The following MGAT4B variants were observed in gnomAD, a reference collection of about 807,000 sequenced individuals.
MGAT4B encodes N-acetylglucosaminyltransferase IVb.
A neutral mutation model predicts 73.9 loss-of-function variants in MGAT4B; 38 were observed. The observed-to-expected ratio is 0.51, with a 90% CI of 0.40 to 0.67. The LOEUF (loss-of-function observed/expected upper bound fraction) is 0.67, where lower values mean the gene tolerates loss of function less well. Among genes scored for constraint, MGAT4B ranks in the 30% least tolerant of loss-of-function variants. The pLI is 0.00. For missense variants in MGAT4B, 686 were observed against 735.2 expected, an observed-to-expected ratio of 0.93 and a Z score of 0.77; for synonymous variants, 373 against 313.5, an observed-to-expected ratio of 1.19 and a Z score of -2.01.
chr5:179,803,100 CAGG>C lies in MGAT4B; in HGVS notation c.98-1134_98-1132del, dbSNP rs1271991300. ...AGGGCACACCCCTTTCCGAAACGGG[CAGG>C]AGGTCGAAGTGCCAAGTGACCAGGG... On this transcript the variant is annotated intron_variant, in intron 1 of 14. Transcript: ENST00000292591. The C allele has an allele frequency of 3.1e-5, 31 of 985,570 alleles. 2 individuals are homozygous for C. The South Asian group carries it at 8.9e-4, about 28-fold the overall frequency. 61.1% of individuals were successfully genotyped at this position (985,570 alleles called of 1,614,324 possible).
chr5:179,802,339 C>T (rs1581978419), intron 1 of MGAT4B: 2 of 1,344,506 alleles, frequency 1.5e-6, no homozygotes, highest in Admixed American at 3.6e-5. Flanking sequence ...CCCACTCTTG[C>T]TTTTTGCAGC....
chr5:179,802,372 G>A (rs1285098864), intron 1 of MGAT4B: 2 of 1,275,462 alleles, frequency 1.6e-6, no homozygotes, highest in Admixed American at 7.8e-5. Context: ...CAGCGGGTGG[G>A]CTACCCAAGG....
chr5:179,798,430 G>C lies in MGAT4B; in HGVS notation c.1427C>G (p.Pro476Arg). 6.2e-7 allele frequency: 1 copy of C among 1,612,534 alleles called. No individual in the cohort carries two copies. The highest frequency in any genetic ancestry group is 1.1e-5 in the South Asian group (1 of 91,016). Residue 476 changes from proline to arginine, a missense_variant, in exon 13 of 15, where the codon CCT becomes CGT. Around this residue, in one of 2 missense-constraint regions of MGAT4B, gnomAD observed 449 missense variants for 536.8 expected, o/e 0.84. Transcript: ENST00000292591. ...TSVEVLPFDN[P>R]QSDKEALQEG... ...CTGCAGGGCCTCCTTGTCTGACTGA[G>C]GGTTCTGGGGGCAGAATCAAGGGCT...
intron 1 of MGAT4B, chr5:179,802,185 A>G: frequency 1.3e-6 from 2 of 1,494,148 alleles, no homozygotes; most frequent in Non-Finnish European, 1.8e-6. Context: ...GCCCTCTTCC[A>G]GTACTCTCCC....
At chr5:179,800,791 C>G in intron 5 of MGAT4B, 116 bp downstream of exon 5, 1 of 1,234,518 alleles carries the variant, frequency 8.1e-7, no homozygotes. Flanking sequence ...CCACCAGGTC[C>G]CTGCCTCCCC....
chr5:179,800,618 G>A, intron 5 of MGAT4B, 21 bp from the exon 6 acceptor site: 3 of 1,523,874 alleles, frequency 2.0e-6, no homozygotes, highest in Non-Finnish European at 2.7e-6. Context: ...GGAAGGCCTA[G>A]TCCGTATGCA....
chr5:179,805,813 A>G (rs1757124784), intron 1 of MGAT4B, among the ~76,000 whole-genome samples: 1 of 152,134 alleles, frequency 6.6e-6, no homozygotes, highest in Non-Finnish European at 1.5e-5. Flanking sequence ...CATCGCCAAG[A>G]CCGGCCAGCG....
In MGAT4B at chr5:179,800,199, G is replaced by A. The variant is rs1307727547; in HGVS notation, c.780C>T (p.Gly260=). 1 of 1,613,584 alleles carries A rather than the reference G, an allele frequency of 6.2e-7. No homozygotes were observed. The highest frequency in any genetic ancestry group is 2.2e-5 in the East Asian group (1 of 44,896). ...TGGGGCTGACCTGCACGTAGTAGAT[G>A]CCTTTGGACTGCGCGTACATCATGA... is the stretch of plus-strand genomic sequence containing the variant. ...CFLMMYAQSK[G]IYYVQLEDDI... Residue 260 remains glycine, a synonymous_variant, in exon 7 of 15, where the codon GGC becomes GGT. Coordinates refer to ENST00000292591, the MANE Select transcript of MGAT4B (RefSeq NM_014275.5).
chr5:179,798,195 C>G lies in MGAT4B; in HGVS notation c.1593G>C (p.Thr531=). The change falls in exon 14 of 15, where the codon ACG becomes ACC. Residue 531 remains threonine, a synonymous_variant. Transcript: ENST00000292591. ...TCAGAATCACCCACACAGGGGAGTC[C>G]GTCTGGATCGAGAGGCGCAGTGCTT... is the stretch of plus-strand genomic sequence containing the variant. ...PLEALRLSIQ[T]DSPVWVILSE... 1 of 1,597,060 alleles carries G rather than the reference C, an allele frequency of 6.3e-7. No homozygotes were observed.
At chr5:179,799,470 GC>G (rs1244449576) in intron 9 of MGAT4B, 35 bp downstream of exon 9, 1 of 1,612,442 alleles carries the variant, frequency 6.2e-7, no homozygotes, top group Admixed American at 1.7e-5. Context: ...CTGCCCCTTG[GC>G]CCTGCCCCTG....
rs959174910 is a variant in MGAT4B, at chr5:179,797,744, C to T, written c.*301G>A. 253 of 379,832 alleles carry T rather than the reference C, an allele frequency of 6.7e-4. No homozygotes were observed. The highest frequency in any genetic ancestry group is 1.2e-3 in the Admixed American group (28 of 22,420). The allele number at this position is 379,832 out of a possible 1,614,324, so 23.5% of individuals were successfully genotyped here. A position where few individuals can be genotyped will look rare whatever the true frequency, so the allele number is the denominator to read the frequency against. ...TGCATTCCAGTGTTCGCGCCAGAGA[C>T]GGCGGGCGCCCAAGTAAAAGCTCTT... is the stretch of plus-strand genomic sequence containing the variant. On this transcript the variant is annotated 3_prime_UTR_variant, in exon 15 of 15. Coordinates refer to ENST00000292591, the MANE Select transcript of MGAT4B (RefSeq NM_014275.5).
Position 179,806,461 on chromosome 5 carries a change from G to A in MGAT4B, c.97+26C>T. 8.1e-7 allele frequency: 1 copy of A among 1,241,286 alleles called. No individual in the cohort carries two copies. Among genetic ancestry groups the A allele is most frequent in the African/African-American group, 1.6e-5 (1 of 62,990 alleles). 76.9% of individuals were successfully genotyped at this position (1,241,286 alleles called of 1,614,324 possible). On this transcript the variant is annotated intron_variant, in intron 1 of 14. Coordinates refer to ENST00000292591, the MANE Select transcript of MGAT4B (RefSeq NM_014275.5). This position sits in a 1 kb window ranked among gnomAD's most constrained non-coding sequence, Gnocchi z 4.6. ...CCGCCGACGCCCAGGTGCGCCAGGTGCGGGCCGGGCGGGGGTCGCGCTCAC... is the reference window on the plus strand; with the variant it reads ...CCGCCGACGCCCAGGTGCGCCAGGTACGGGCCGGGCGGGGGTCGCGCTCAC...
intron 1 of MGAT4B, among the ~76,000 whole-genome samples, chr5:179,804,713 G>A (rs1295892474): frequency 2.0e-5 from 3 of 152,048 alleles, no homozygotes; most frequent in Non-Finnish European, 2.9e-5. Flanking sequence ...CTGGACCCCC[G>A]CTGGCTGCAA....
At position 179,801,728 on chromosome 5, in the gene MGAT4B, A is replaced by G. The variant is rs1562616617; in HGVS notation, c.284-34T>C. ...GTCGGGAAGGATCGGGACTGAGACC[A>G]GGGAACCTACAACCAGCCCGCCCCC... is the stretch of plus-strand genomic sequence containing the variant. On this transcript the variant is annotated intron_variant, in intron 2 of 14. Coordinates refer to ENST00000292591, the MANE Select transcript of MGAT4B (RefSeq NM_014275.5). This position sits in a 1 kb window ranked among gnomAD's most constrained non-coding sequence, Gnocchi z 4.8. The G allele has an allele frequency of 6.3e-7, 1 of 1,595,738 alleles. No homozygotes were observed. Among genetic ancestry groups the G allele is most frequent in the Admixed American group, 1.7e-5 (1 of 57,804 alleles).
rs139690892 is a variant in MGAT4B at position 179,798,567 on chromosome 5, G to A, written c.1368C>T (p.Ile456=). 2.2e-5 allele frequency: 35 copies of A among 1,613,386 alleles called. No individual in the cohort carries two copies. Among genetic ancestry groups the A allele is most frequent in the Non-Finnish European group, 2.9e-5 (34 of 1,180,012 alleles). ...LERFFFRSGN[I]EHPEDKLFNT... The stretch of plus-strand genomic sequence containing the variant: ...TGAAGAGCTTGTCCTCCGGGTGCTC[G>A]ATGTTCCCACTGCGGAAGAAGAACC... The change falls in exon 12 of 15, where the codon ATC becomes ATT. Residue 456 remains isoleucine (I), a synonymous_variant. Coordinates refer to ENST00000292591, the MANE Select transcript of MGAT4B (RefSeq NM_014275.5).
At position 179,801,675 on chromosome 5, in the gene MGAT4B, C is replaced by T. The variant is rs1219955652; in HGVS notation, c.303G>A (p.Pro101=). 2.5e-6 allele frequency: 4 copies of T among 1,608,400 alleles called. No individual in the cohort carries two copies. Among genetic ancestry groups the T allele is most frequent in the Non-Finnish European group, 3.4e-6 (4 of 1,178,730 alleles). ...GRLTEDPRLK[P]WNGSHRHVLH... ...GCACGTGCCGGTGTGAGCCGTTCCA[C>T]GGCTTCAATCGGGGGTCCTCTGGGT... is the stretch of plus-strand genomic sequence containing the variant. The change falls in exon 3 of 15, where the codon CCG becomes CCA. Residue 101 remains proline, a synonymous_variant. Transcript: ENST00000292591. The surrounding 1 kb of genome is among the most constrained non-coding windows in gnomAD (Gnocchi z 4.8).
chr5:179,798,546 G>A lies in MGAT4B; in HGVS notation c.1389C>T (p.Leu463=). The change falls in exon 12 of 15, where the codon CTC becomes CTT. Residue 463 remains leucine (L), a synonymous_variant. Coordinates refer to ENST00000292591, the MANE Select transcript of MGAT4B (RefSeq NM_014275.5). ...GCAGCACCTCCACAGACGTGTTGAA[G>A]AGCTTGTCCTCCGGGTGCTCGATGT... The part of the protein sequence containing the change: ...SGNIEHPEDK[L]FNTSVEVLPF... 1.2e-6 allele frequency: 2 copies of A among 1,613,574 alleles called. No homozygotes were observed.
intron 1 of MGAT4B, among the ~76,000 whole-genome samples, chr5:179,803,994 T>G (rs1282407520): frequency 6.6e-6 from 1 of 152,126 alleles, no homozygotes; most frequent in African/African-American, 2.4e-5. Context: ...GGGAGGCAGC[T>G]CAGGTGAGGA....
Position 179,801,844 on chromosome 5 carries a change from C to T in MGAT4B, c.223G>A (p.Val75Met), listed in dbSNP as rs1408405419. Residue 75 changes from valine to methionine, a missense_variant, in exon 2 of 15, where the codon GTG (valine) becomes ATG (methionine). Coordinates refer to ENST00000292591, the MANE Select transcript of MGAT4B (RefSeq NM_014275.5). The surrounding 1 kb of genome is among the most constrained non-coding windows in gnomAD (Gnocchi z 4.8). Reference protein sequence around the residue: ...NLVLDEIKRAVSERQALRDGD... With the variant: ...NLVLDEIKRAMSERQALRDGD... ...TCTCGCAGCGCCTGCCTTTCTGACA[C>T]GGCCCTCTTGATCTCGTCCAGCACC... The T allele has an allele frequency of 1.1e-5, 17 of 1,607,856 alleles. No individual in the cohort carries two copies. The highest frequency in any genetic ancestry group is 3.3e-5 in the Admixed American group (2 of 59,900).
Sources: gnomAD v4.1 joint callset for allele counts (sites outside exome capture counted in the v4.1 genomes callset) on GRCh38, gnomAD v4.1.1 for gene constraint, gnomAD v4.1.1 regional missense constraint, Gnocchi (gnomAD v3.1) non-coding constraint, MANE v1.5 for transcripts, NCBI Gene and HGNC (gene_info 2026-07-23, HGNC 2026-07-21) for gene names.